The following MAB21L3 variants were observed in gnomAD, a reference collection of about 807,000 sequenced individuals.
MAB21L3 encodes protein mab-21-like 3.
MAB21L3 carries 36 observed loss-of-function variants against 37.7 expected under a neutral mutation model. That is an observed-to-expected ratio of 0.96 (90% CI 0.73 to 1.26). The LOEUF is 1.26. MAB21L3 is among the 50% of genes most tolerant of loss of function. The probability of loss-of-function intolerance (pLI) is 0.00; values close to 1 mark genes in which losing one functional copy is unlikely to be tolerated. For missense variants in MAB21L3, 430 were observed against 447.3 expected (o/e 0.96, Z 0.35); for synonymous variants, 186 against 176.8 (o/e 1.05, Z -0.41).
Position 116,124,320 on chromosome 1 carries a change from G to A in MAB21L3, c.444G>A (p.Lys148=). Residue 148 remains lysine (K), a synonymous_variant, in exon 5 of 8, where the codon AAG becomes AAA. Transcript: ENST00000369500. ...CCAAGGTCCTCCTAGTGTTCCGGAA[G>A]CTGGTGGAAAATGCAGTTAGAACCT... The part of the protein sequence containing the change: ...VPAKVLLVFR[K]LVENAVRTCH... 6.2e-6 allele frequency: 10 copies of A among 1,613,996 alleles called. No individual in the cohort carries two copies. The highest frequency in any genetic ancestry group is 8.5e-6 in the Non-Finnish European group (10 of 1,180,016).
At chr1:116,124,424 G>A (rs1316287389) in intron 5 of MAB21L3, 67 bp downstream of exon 5, 1 of 1,456,628 alleles carries the variant, frequency 6.9e-7, no homozygotes, top group African/African-American at 1.4e-5. Context: ...TAAAACCTCT[G>A]TTTGGGTGTT....
In MAB21L3 at chr1:116,136,316, C is replaced by T. The variant is rs1047102838; in HGVS notation, c.*2951C>T. ...AAAATCAAAGTACAAAAATCACAAG[C>T]ATTCTTATACACCAATAACAGACAG... On this transcript the variant is annotated 3_prime_UTR_variant, in exon 8 of 8. Transcript: ENST00000369500. Among the ~76,000 whole-genome samples, 4,949 of 152,198 alleles carry T rather than the reference C, an allele frequency of 0.033. 271 individuals are homozygous for T. The highest frequency in any genetic ancestry group is 0.11 in the African/African-American group (4,682 of 41,478).
rs562637253 is a variant in MAB21L3, at chr1:116,138,125, A to T, written c.*4760A>T. Among the ~76,000 whole-genome samples, 144 of 144,046 alleles carry T rather than the reference A, an allele frequency of 1.0e-3. No individual in the cohort carries two copies. The highest frequency in any genetic ancestry group is 3.6e-3 in the African/African-American group (135 of 37,830). The allele number at this position is 144,046 out of a possible 152,430, so 94.5% of individuals were successfully genotyped here. A position where few individuals can be genotyped will look rare whatever the true frequency, so the allele number is the denominator to read the frequency against. ...GTACCCTAAAACTTAAAGTATGATT[A>T]AAAAAAAAAAGTACTGTAACCAAAT... On this transcript the variant is annotated 3_prime_UTR_variant, in exon 8 of 8. Transcript: ENST00000369500.
intron 7 of MAB21L3, 87 bp from the exon 8 acceptor site, chr1:116,133,045 C>T (rs1660115321): frequency 2.7e-6 from 3 of 1,130,846 alleles, no homozygotes; most frequent in Non-Finnish European, 3.9e-6. Flanking sequence ...TCCCTCCTTC[C>T]AAGGCCACAT....
rs754512303 is a variant in MAB21L3, at chr1:116,128,281, T to G, written c.797T>G (p.Leu266Arg). The change falls in exon 7 of 8, where the codon CTG (leucine) becomes CGG (arginine). Residue 266 changes from leucine (L) to arginine (R), a missense_variant. By Grantham distance (102) the Leu-to-Arg change is moderately radical. Transcript: ENST00000369500. Reference sequence around the variant, plus strand: ...AAGTGTTTTCAGGTCATGAGGCACCTGAAGGAGGACATCTGGTGCCCAGGG... The same window carrying G: ...AAGTGTTTTCAGGTCATGAGGCACCGGAAGGAGGACATCTGGTGCCCAGGG... ...RRKCFQVMRH[L>R]KEDIWCPGNR... The G allele has an allele frequency of 5.6e-6, 9 of 1,613,922 alleles. No individual in the cohort carries two copies. Among genetic ancestry groups the G allele is most frequent in the Non-Finnish European group, 1.7e-6 (2 of 1,179,988 alleles).
At chr1:116,127,318 T>C in intron 5 of MAB21L3, 148 bp from the exon 6 acceptor site, 1 of 667,590 alleles carries the variant, frequency 1.5e-6, no homozygotes, top group Non-Finnish European at 2.5e-6. Flanking sequence ...ACAGGCATTG[T>C]GATCCTTCAC....
At chr1:116,127,974 C>T (rs1659957275) in intron 6 of MAB21L3, among the ~76,000 whole-genome samples, 171 bp from the exon 7 acceptor site, 1 of 152,150 alleles carries the variant, frequency 6.6e-6, no homozygotes, top group South Asian at 2.1e-4. Flanking sequence ...TTCTAACTGT[C>T]CACATCCAAG....
At chr1:116,120,448 CAT>C (rs144386822) in intron 3 of MAB21L3, among the ~76,000 whole-genome samples, 2,429 of 149,774 alleles carry the variant, frequency 0.016, 58 homozygotes, top group African/African-American at 0.057. Context: ...CACACACACA[CAT>C]ATATATATAC....
Position 116,133,777 on chromosome 1 carries a change from C to T in MAB21L3, c.*412C>T, listed in dbSNP as rs1008013871. Reference sequence around the variant, plus strand: ...AGCCCACTGATCATGGGCACATTCTCCTGCCATTTGTAAAATGGGAATGTT... The same window carrying T: ...AGCCCACTGATCATGGGCACATTCTTCTGCCATTTGTAAAATGGGAATGTT... On this transcript the variant is annotated 3_prime_UTR_variant, in exon 8 of 8. Coordinates refer to ENST00000369500, the MANE Select transcript of MAB21L3 (RefSeq NM_152367.3). 1 of 230,422 alleles carries T rather than the reference C, an allele frequency of 4.3e-6. No individual in the cohort carries two copies. Among genetic ancestry groups the T allele is most frequent in the Non-Finnish European group, 8.5e-6 (1 of 116,982 alleles). 14.3% of individuals were successfully genotyped at this position (230,422 alleles called of 1,614,324 possible).
intron 7 of MAB21L3, among the ~76,000 whole-genome samples, chr1:116,132,562 G>T (rs1414189458): frequency 6.6e-6 from 1 of 152,152 alleles, no homozygotes; most frequent in African/African-American, 2.4e-5. Flanking sequence ...AGAAATGGGA[G>T]GAGAGGAAAT....
chr1:116,119,698 G>A (rs920693748), intron 3 of MAB21L3, among the ~76,000 whole-genome samples: 1 of 152,178 alleles, frequency 6.6e-6, no homozygotes, highest in Non-Finnish European at 1.5e-5. Flanking sequence ...TCCTGAGCAA[G>A]ATGACAAAGT....
chr1:116,113,306 C>T (rs936663969), intron 3 of MAB21L3, among the ~76,000 whole-genome samples: 2 of 152,070 alleles, frequency 1.3e-5, no homozygotes, highest in African/African-American at 4.8e-5. Context: ...AGTTTTCATG[C>T]CTTTACAAGT....
rs969543622 is a variant in MAB21L3, at chr1:116,135,417, G to A, written c.*2052G>A. Among the ~76,000 whole-genome samples, 2 of 152,000 alleles carry A rather than the reference G, an allele frequency of 1.3e-5. No individual in the cohort carries two copies. The highest frequency in any genetic ancestry group is 4.8e-5 in the African/African-American group (2 of 41,360). ...TTCCTCAACACATACACTCTCCCAA[G>A]ACTAAACCAGGAAGAAGTTGAATCT... On this transcript the variant is annotated 3_prime_UTR_variant, in exon 8 of 8. Transcript: ENST00000369500.
chr1:116,134,175 G>A lies in MAB21L3; in HGVS notation c.*810G>A, dbSNP rs928694174. On this transcript the variant is annotated 3_prime_UTR_variant, in exon 8 of 8. Transcript: ENST00000369500. Reference sequence around the variant, plus strand: ...CTTCCCATGCCATGGGCCATGGATGGAACTTCCTTATATATTTATGTAAAT... The same window carrying A: ...CTTCCCATGCCATGGGCCATGGATGAAACTTCCTTATATATTTATGTAAAT... 1 of 152,356 alleles carries A rather than the reference G, an allele frequency of 6.6e-6. No individual in the cohort carries two copies. Among genetic ancestry groups the A allele is most frequent in the Non-Finnish European group, 1.5e-5 (1 of 68,144 alleles). 9.4% of individuals were successfully genotyped at this position (152,356 alleles called of 1,614,324 possible). A position where few individuals can be genotyped will look rare whatever the true frequency, so the allele number is the denominator to read the frequency against.
chr1:116,127,701 CA>C, intron 6 of MAB21L3, 57 bp downstream of exon 6: 1 of 1,505,776 alleles, frequency 6.6e-7, no homozygotes, highest in Non-Finnish European at 8.9e-7. Context: ...CTTAACCAGT[CA>C]CAGCATTACT....
chr1:116,128,336 G>T lies in MAB21L3; in HGVS notation c.852G>T (p.Leu284=). Residue 284 remains leucine (L), a synonymous_variant, in exon 7 of 8, where the codon CTG becomes CTT. Coordinates refer to ENST00000369500, the MANE Select transcript of MAB21L3 (RefSeq NM_152367.3). ...GGCCGGTTATCACGTCCCACCATCTGCAGGTGAGTGTGGGGCAGGTTGGAG... is the reference window on the plus strand; with the variant it reads ...GGCCGGTTATCACGTCCCACCATCTTCAGGTGAGTGTGGGGCAGGTTGGAG... The part of the protein sequence containing the change: ...GNRPVITSHH[L]QTVLFWTCEK... The T allele has an allele frequency of 5.0e-6, 8 of 1,610,376 alleles. No homozygotes were observed. Among genetic ancestry groups the T allele is most frequent in the Non-Finnish European group, 6.8e-6 (8 of 1,178,842 alleles).
intron 6 of MAB21L3, 71 bp downstream of exon 6, chr1:116,127,715 C>T (rs1017640024): frequency 6.9e-7 from 1 of 1,451,970 alleles, no homozygotes. Context: ...GCATTACTGA[C>T]TGCCAATGAG....
At chr1:116,116,707 G>A (rs1294919268) in intron 3 of MAB21L3, among the ~76,000 whole-genome samples, 1 of 152,168 alleles carries the variant, frequency 6.6e-6, no homozygotes, top group East Asian at 1.9e-4. Context: ...AGTCACACCA[G>A]ACGAGGCAAT....
chr1:116,112,526 G>T lies in MAB21L3; in HGVS notation c.-90G>T. Reference sequence around the variant, plus strand: ...AGTACCCAGAGACTCACATTACTGGGAGTGCTATCTACTCACAAGTGTTGC... The same window carrying T: ...AGTACCCAGAGACTCACATTACTGGTAGTGCTATCTACTCACAAGTGTTGC... On this transcript the variant is annotated 5_prime_UTR_variant, in exon 3 of 8. Transcript: ENST00000369500. The T allele has an allele frequency of 8.6e-7, 1 of 1,162,218 alleles. No homozygotes were observed. The highest frequency in any genetic ancestry group is 1.3e-6 in the Non-Finnish European group (1 of 781,562). The allele number at this position is 1,162,218 out of a possible 1,614,324, so 72.0% of individuals were successfully genotyped here.
Sources: allele counts gnomAD v4.1 joint callset (sites outside exome capture counted in the v4.1 genomes callset), GRCh38; gene constraint gnomAD v4.1.1; transcripts MANE v1.5; gene names NCBI Gene and HGNC (gene_info 2026-07-23, HGNC 2026-07-21).